RASSF5: variants seen among roughly 807,000 people sequenced by gnomAD.
RASSF5 encodes Ras association domain family member 5.
A neutral mutation model predicts 40.5 loss-of-function variants in RASSF5; 25 were observed. The observed-to-expected ratio is 0.62, with a 90% CI of 0.45 to 0.86. The LOEUF (loss-of-function observed/expected upper bound fraction) is 0.86, where lower values mean the gene tolerates loss of function less well. Among genes scored for constraint, RASSF5 ranks in the 40% least tolerant of loss-of-function variants. The pLI is 0.00. For synonymous variants in RASSF5, 246 were observed against 252.4 expected (o/e 0.97, Z 0.24); for missense variants, 521 against 572.8 (o/e 0.91, Z 0.92).
intron 2 of RASSF5, among the ~76,000 whole-genome samples, chr1:206,554,892 T>G (rs1553401544): frequency 3.3e-5 from 5 of 152,212 alleles, no homozygotes; most frequent in Non-Finnish European, 7.3e-5. Context: ...TGCTGACTTC[T>G]TACACATGGC....
intron 2 of RASSF5, among the ~76,000 whole-genome samples, chr1:206,561,840 G>GTT (rs35815148): frequency 0.46 from 65,436 of 143,516 alleles, 15,321 homozygotes; most frequent in Middle Eastern, 0.6. Flanking sequence ...TAAGTTTTGT[G>GTT]TTTTTTTTTT....
intron 1 of RASSF5, among the ~76,000 whole-genome samples, chr1:206,518,759 G>A (rs1484538294): frequency 1.3e-5 from 2 of 152,054 alleles, no homozygotes; most frequent in African/African-American, 2.4e-5. Flanking sequence ...AAAGGACATG[G>A]TCTGCCTGTT....
At chr1:206,561,810 C>T (rs1294577917) in intron 2 of RASSF5, among the ~76,000 whole-genome samples, 3 of 150,370 alleles carry the variant, frequency 2.0e-5, no homozygotes, top group Middle Eastern at 3.4e-3. Flanking sequence ...AGATTACAGG[C>T]ACCCACCACC....
intron 1 of RASSF5, among the ~76,000 whole-genome samples, chr1:206,512,858 C>T (rs1666653765): frequency 6.6e-6 from 1 of 152,218 alleles, no homozygotes; most frequent in Non-Finnish European, 1.5e-5. Flanking sequence ...TGCCTTTTCT[C>T]TGAAGAGCCC....
chr1:206,507,978 G>A lies in RASSF5; in HGVS notation c.376G>A (p.Ala126Thr), dbSNP rs782347381. ...GGAGCGAGGCGAGGGGCACTGCTTC[G>A]CCGAGTTGGTGCTGCCGGGCGGCCC... ...PAERGEGHCF[A>T]ELVLPGGPGW... Residue 126 changes from alanine to threonine, a missense_variant, in exon 1 of 6, where the codon GCC (alanine) becomes ACC (threonine). Around this residue, in one of 2 missense-constraint regions of RASSF5, gnomAD observed 237 missense variants for 212.0 expected, o/e 1.12. Transcript: ENST00000579436. 2.6e-6 allele frequency: 4 copies of A among 1,535,420 alleles called. No individual in the cohort carries two copies. The African/African-American group carries it at 4.2e-5, about 16-fold the overall frequency.
rs564776281 is a variant in RASSF5 at position 206,511,815 on chromosome 1, C to CCACTTTCTG, written c.457+3769_457+3777dup. Among the ~76,000 whole-genome samples the CCACTTTCTG allele has an allele frequency of 1.2e-4, 19 of 152,290 alleles. No homozygotes were observed. The East Asian group carries it at 3.3e-3, about 26-fold the overall frequency. On this transcript the variant is annotated intron_variant, in intron 1 of 5. Transcript: ENST00000579436. ...GCTACGCTATTGGCTGGGTTCAGCT[C>CCACTTTCTG]CACTTTCTGCACTTTCTGCACAGCT...
rs1668101323 is a variant in RASSF5, at chr1:206,560,245, T to G, written c.579+21952T>G. Among the ~76,000 whole-genome samples the G allele has an allele frequency of 1.3e-5, 2 of 152,212 alleles. No individual in the cohort carries two copies. On this transcript the variant is annotated intron_variant, in intron 2 of 5. Transcript: ENST00000579436. The surrounding 1 kb of genome is among the most constrained non-coding windows in gnomAD (Gnocchi z 5.1). ...ACAACCTGTGTGGCTGCTCAGTTTG[T>G]GCCTGGCTAGAACAGAGCTTCAGGG...
intron 2 of RASSF5, among the ~76,000 whole-genome samples, chr1:206,541,115 G>C (rs370045174): frequency 6.6e-6 from 1 of 152,066 alleles, no homozygotes; most frequent in African/African-American, 2.4e-5. Context: ...GGCTGGTCTC[G>C]AACTCCTGAC....
intron 2 of RASSF5, among the ~76,000 whole-genome samples, chr1:206,581,731 C>T (rs992484187): frequency 6.6e-5 from 10 of 152,092 alleles, no homozygotes; most frequent in African/African-American, 2.4e-4. Context: ...AGGCTGGAGC[C>T]ACGCCAGCTC....
In RASSF5 at chr1:206,552,855, C is replaced by T. The variant is rs562575078; in HGVS notation, c.579+14562C>T. Among the ~76,000 whole-genome samples, 1 of 152,314 alleles carries T rather than the reference C, an allele frequency of 6.6e-6. No homozygotes were observed. The highest frequency in any genetic ancestry group is 1.5e-5 in the Non-Finnish European group (1 of 68,042). ...ACTGTATATTATTAGAAGGTAGGGA[C>T]TGTGTCTTATTCATGCCCAAACTCA... On this transcript the variant is annotated intron_variant, in intron 2 of 5. Coordinates refer to ENST00000579436, the MANE Select transcript of RASSF5 (RefSeq NM_182663.4). The surrounding 1 kb of genome is among the most constrained non-coding windows in gnomAD (Gnocchi z 4.1).
intron 1 of RASSF5, among the ~76,000 whole-genome samples, chr1:206,523,728 T>TAC (rs1666993199): frequency 1.0e-5 from 1 of 96,134 alleles, no homozygotes; most frequent in Non-Finnish European, 1.8e-5. Flanking sequence ...TATATTTATA[T>TAC]ATTATATATA....
chr1:206,586,976 T>C lies in RASSF5; in HGVS notation c.1255T>C (p.Ter419GlnextTer96). The C allele has an allele frequency of 6.2e-7, 1 of 1,614,094 alleles. No homozygotes were observed. Among genetic ancestry groups the C allele is most frequent in the Non-Finnish European group, 8.5e-7 (1 of 1,179,936 alleles). ...ALRESQGKPG[*>Q] Reference sequence around the variant, plus strand: ...AAGAGAATCCCAGGGCAAACCTGGGTAACCGGTCCTGCTTCCTCTCCTCCT... The same window carrying C: ...AAGAGAATCCCAGGGCAAACCTGGGCAACCGGTCCTGCTTCCTCTCCTCCT... Residue 419 changes from the stop codon to glutamine (Q), a stop_lost, in exon 6 of 6, where the codon TAA becomes CAA. Transcript: ENST00000579436.
intron 2 of RASSF5, 115 bp downstream of exon 2, chr1:206,538,408 A>C: frequency 1.5e-6 from 2 of 1,371,668 alleles, no homozygotes; most frequent in Non-Finnish European, 2.0e-6. Context: ...CTCAGATTCC[A>C]CATGCACTGG....
intron 2 of RASSF5, chr1:206,580,641 A>T (rs1430656647): frequency 6.6e-6 from 1 of 152,170 alleles, no homozygotes; most frequent in East Asian, 1.9e-4. Context: ...GGGTTAATGG[A>T]CTGACAGTGA....
chr1:206,584,558 A>C lies in RASSF5; in HGVS notation c.862A>C (p.Lys288Gln), dbSNP rs1553407134. Reference sequence around the variant, plus strand: ...CTTCTACCTGCCCCTAGATGCCATCAAGCAGCTGCACATCAGCAGCACCAC... The same window carrying C: ...CTTCTACCTGCCCCTAGATGCCATCCAGCAGCTGCACATCAGCAGCACCAC... ...TSFYLPLDAI[K>Q]QLHISSTTTV... Residue 288 changes from lysine to glutamine, a missense_variant, in exon 4 of 6, where the codon AAG becomes CAG. Coordinates refer to ENST00000579436, the MANE Select transcript of RASSF5 (RefSeq NM_182663.4). The surrounding 1 kb of genome is among the most constrained non-coding windows in gnomAD (Gnocchi z 4.9). The C allele has an allele frequency of 1.2e-6, 2 of 1,614,086 alleles. No individual in the cohort carries two copies. Among genetic ancestry groups the C allele is most frequent in the South Asian group, 2.2e-5 (2 of 91,088 alleles).
intron 2 of RASSF5, among the ~76,000 whole-genome samples, chr1:206,548,182 G>C (rs538814968): frequency 6.6e-6 from 1 of 150,970 alleles, no homozygotes. Flanking sequence ...TCTTTTTATC[G>C]CTATGTATTA....
rs1268496552 is a variant in RASSF5, at chr1:206,507,809, C to A, written c.207C>A (p.Asn69Lys). Residue 69 changes from asparagine to lysine, a missense_variant, in exon 1 of 6, where the codon AAC (asparagine) becomes AAA (lysine). By Grantham distance (94) the Asn-to-Lys change is moderately conservative. This residue lies in a region of RASSF5 where 237 missense variants were observed against 212.0 expected (regional missense o/e 1.12). Transcript: ENST00000579436. ...GRSARRAARG[N>K]LEPPPRASRP... ...GCGCCCGGAGGGCTGCCCGGGGGAACCTGGAGCCCCCGCCCCGGGCCTCCC... is the reference window on the plus strand; with the variant it reads ...GCGCCCGGAGGGCTGCCCGGGGGAAACTGGAGCCCCCGCCCCGGGCCTCCC... 2 of 1,402,028 alleles carry A rather than the reference C, an allele frequency of 1.4e-6. No individual in the cohort carries two copies. Among genetic ancestry groups the A allele is most frequent in the Admixed American group, 3.4e-5 (1 of 29,544 alleles). 86.8% of individuals were successfully genotyped at this position (1,402,028 alleles called of 1,614,324 possible).
chr1:206,536,351 G>A (rs1667393001), intron 1 of RASSF5, among the ~76,000 whole-genome samples: 1 of 152,210 alleles, frequency 6.6e-6, no homozygotes, highest in South Asian at 2.1e-4. Context: ...GCACAAAGGA[G>A]ATGAGCAGTG....
At chr1:206,545,345 G>GTT (rs10709687) in intron 2 of RASSF5, among the ~76,000 whole-genome samples, 4 of 130,266 alleles carry the variant, frequency 3.1e-5, no homozygotes, top group Admixed American at 7.7e-5. Context: ...AATTTCTTGT[G>GTT]TTTTTTTTTT....
Sources: allele counts gnomAD v4.1 joint callset (sites outside exome capture counted in the v4.1 genomes callset), GRCh38; gene constraint gnomAD v4.1.1; regional missense constraint gnomAD v4.1.1; non-coding constraint Gnocchi (gnomAD v3.1); transcripts MANE v1.5; gene names NCBI Gene and HGNC (gene_info 2026-07-23, HGNC 2026-07-21).